PRR16: variants seen among roughly 807,000 people sequenced by gnomAD.
PRR16 encodes the protein proline rich 16.
A neutral mutation model predicts 18.2 loss-of-function variants in PRR16; 6 were observed. The observed-to-expected ratio is 0.33, with a 90% CI of 0.18 to 0.65. The LOEUF is 0.65. Ranked by LOEUF, PRR16 falls within the 30% of genes least tolerant of loss-of-function variation. PRR16 has a pLI of 0.74. For synonymous variants in PRR16, 151 were observed against 147.8 expected, an observed-to-expected ratio of 1.02 and a Z score of -0.16; for missense variants, 412 against 376.6, an observed-to-expected ratio of 1.09 and a Z score of -0.78.
chr5:120,511,899 CCTT>C (rs1337174180), intron 1 of PRR16, among the ~76,000 whole-genome samples: 1 of 152,120 alleles, frequency 6.6e-6, no homozygotes, highest in South Asian at 2.1e-4. Flanking sequence ...AAAGCTTGCT[CCTT>C]CTAGGGGTCT....
intron 1 of PRR16, among the ~76,000 whole-genome samples, chr5:120,610,962 C>T (rs1334450662): frequency 6.6e-6 from 1 of 152,094 alleles, no homozygotes; most frequent in Non-Finnish European, 1.5e-5. Context: ...ATGACTTTGC[C>T]CAAAATGCTG....
chr5:120,736,613 C>A, the PRR16 span, among the ~76,000 whole-genome samples: 1 of 41,472 alleles, frequency 2.4e-5, no homozygotes, highest in African/African-American at 9.7e-5. Flanking sequence ...GAGTTTTTTT[C>A]TATTTCTGCA....
At chr5:120,746,870 A>G in the PRR16 span, among the ~76,000 whole-genome samples, 3 of 152,186 alleles carry the variant, frequency 2.0e-5, no homozygotes, top group Admixed American at 6.5e-5. Context: ...TGTTCTCTTC[A>G]TCGGGAGTCA....
At chr5:120,741,633 G>T in the PRR16 span, among the ~76,000 whole-genome samples, 26 of 151,878 alleles carry the variant, frequency 1.7e-4, no homozygotes, top group Admixed American at 2.6e-4. Context: ...ACAGTATCTC[G>T]CTCTGTTGCC....
chr5:120,588,275 C>T (rs545029111), intron 1 of PRR16, among the ~76,000 whole-genome samples: 4 of 152,244 alleles, frequency 2.6e-5, no homozygotes, highest in South Asian at 4.1e-4. Context: ...AAAGCTATGG[C>T]GGGGTTTGAA....
the PRR16 span, among the ~76,000 whole-genome samples, chr5:120,780,406 AT>A: frequency 6.6e-6 from 1 of 151,624 alleles, no homozygotes; most frequent in Non-Finnish European, 1.5e-5. Context: ...ATCTTAACTA[AT>A]TTAATTGTTT....
chr5:120,698,441 C>T, the PRR16 span, among the ~76,000 whole-genome samples: 68 of 151,634 alleles, frequency 4.5e-4, 1 homozygote, highest in Admixed American at 1.4e-3. Flanking sequence ...TATTTATTTA[C>T]TTCAAGAGTT....
intron 1 of PRR16, among the ~76,000 whole-genome samples, chr5:120,490,413 C>G (rs1406806207): frequency 1.3e-5 from 2 of 152,132 alleles, no homozygotes; most frequent in East Asian, 3.8e-4. Flanking sequence ...CGTCTTCCAT[C>G]GCTGATACCC....
At position 120,686,243 on chromosome 5, in the gene PRR16, A is replaced by G; in HGVS notation, c.449A>G (p.Asn150Ser). The G allele has an allele frequency of 6.2e-7, 1 of 1,614,126 alleles. No homozygotes were observed. Among genetic ancestry groups the G allele is most frequent in the East Asian group, 2.2e-5 (1 of 44,876 alleles). Reference sequence around the variant, plus strand: ...CCAACTGCCAATCCTGTAAAAACCAATGGCACCCTTCTACGAAATGGAGGC... The same window carrying G: ...CCAACTGCCAATCCTGTAAAAACCAGTGGCACCCTTCTACGAAATGGAGGC... ...VVPTANPVKT[N>S]GTLLRNGGLP... Residue 150 changes from asparagine (N) to serine (S), a missense_variant, in exon 2 of 2, where the codon AAT becomes AGT. Asn to Ser is a conservative substitution (Grantham distance 46). Transcript: ENST00000407149.
the PRR16 span, among the ~76,000 whole-genome samples, chr5:120,784,776 T>G: frequency 2.6e-5 from 4 of 152,326 alleles, no homozygotes; most frequent in African/African-American, 7.2e-5. Context: ...ACGTTTTACA[T>G]TTTTTGCTAA....
At chr5:120,598,448 G>C (rs948945731) in intron 1 of PRR16, among the ~76,000 whole-genome samples, 8 of 151,250 alleles carry the variant, frequency 5.3e-5, no homozygotes, top group Admixed American at 4.0e-4. Flanking sequence ...TTTTATTTTT[G>C]AATCGGGGTA....
intron 1 of PRR16, among the ~76,000 whole-genome samples, chr5:120,672,181 C>T (rs968301577): frequency 1.3e-5 from 2 of 150,390 alleles, no homozygotes; most frequent in Non-Finnish European, 2.9e-5. Flanking sequence ...TGAAGGCAAT[C>T]GGGAAGAGTG....
intron 1 of PRR16, among the ~76,000 whole-genome samples, chr5:120,646,504 T>G (rs1337938632): frequency 6.6e-6 from 1 of 151,922 alleles, no homozygotes; most frequent in Non-Finnish European, 1.5e-5. Flanking sequence ...TCCAGGCAAG[T>G]ATAGTAGAAG....
chr5:120,500,274 A>G (rs1226676811), intron 1 of PRR16, among the ~76,000 whole-genome samples: 2 of 152,190 alleles, frequency 1.3e-5, no homozygotes, highest in Admixed American at 1.3e-4. Flanking sequence ...TCTGGAATAC[A>G]TTAGGCAAAA....
intron 1 of PRR16, among the ~76,000 whole-genome samples, chr5:120,589,613 G>C (rs2018396): frequency 0.017 from 2,578 of 152,138 alleles, 65 homozygotes; most frequent in African/African-American, 0.058. Flanking sequence ...CATGGCAGGG[G>C]GTGAAAGGCA....
chr5:120,492,330 A>T (rs1331685760), intron 1 of PRR16, among the ~76,000 whole-genome samples: 1 of 150,390 alleles, frequency 6.6e-6, no homozygotes, highest in Non-Finnish European at 1.5e-5. Context: ...TATTTTTTCT[A>T]GGCTGGTCTC....
At chr5:120,567,070 T>C (rs1178788646) in intron 1 of PRR16, among the ~76,000 whole-genome samples, 1 of 152,194 alleles carries the variant, frequency 6.6e-6, no homozygotes, top group Non-Finnish European at 1.5e-5. Flanking sequence ...TCAAATCATT[T>C]TGTGCTATGC....
At chr5:120,607,255 G>A (rs1022359179) in intron 1 of PRR16, among the ~76,000 whole-genome samples, 1 of 152,086 alleles carries the variant, frequency 6.6e-6, no homozygotes, top group Non-Finnish European at 1.5e-5. Flanking sequence ...TCAAAGAGAG[G>A]CTGTCTTTTT....
chr5:120,539,836 T>A (rs569760185), intron 1 of PRR16, among the ~76,000 whole-genome samples: 19 of 152,244 alleles, frequency 1.2e-4, no homozygotes, highest in Non-Finnish European at 2.4e-4. Context: ...AATATTAGGT[T>A]TTTTTTTCTT....
Sources: allele counts gnomAD v4.1 joint callset (sites outside exome capture counted in the v4.1 genomes callset), GRCh38; gene constraint gnomAD v4.1.1; transcripts MANE v1.5; gene names NCBI Gene and HGNC (gene_info 2026-07-23, HGNC 2026-07-21).